The following PUS10 variants were observed in gnomAD, a reference collection of about 807,000 sequenced individuals.
The protein encoded by PUS10 is pseudouridine synthase 10.
A neutral mutation model predicts 75.0 loss-of-function variants in PUS10; 59 were observed. The observed-to-expected ratio is 0.79, with a 90% CI of 0.64 to 0.98. The LOEUF (loss-of-function observed/expected upper bound fraction) is 0.98, where lower values mean the gene tolerates loss of function less well. Ranked by LOEUF, PUS10 falls within the 50% of genes least tolerant of loss-of-function variation. The probability of loss-of-function intolerance (pLI) is 0.00; values close to 1 mark genes in which losing one functional copy is unlikely to be tolerated. For missense variants in PUS10, 650 were observed against 614.4 expected (o/e 1.06, Z -0.61); for synonymous variants, 219 against 211.6 (o/e 1.03, Z -0.30).
chr2:61,011,625 A>G (rs946505815), intron 2 of PUS10, 140 bp downstream of exon 2: 3 of 583,822 alleles, frequency 5.1e-6, no homozygotes, highest in East Asian at 6.8e-5. Flanking sequence ...AAAATTATGA[A>G]TATCACTCAT....
chr2:60,965,153 G>A, intron 7 of PUS10, 50 bp from the exon 8 acceptor site: 1 of 1,533,078 alleles, frequency 6.5e-7, no homozygotes, highest in African/African-American at 1.4e-5. Flanking sequence ...TTATTTTGGG[G>A]TAGATATAAT....
chr2:60,988,561 A>C (rs771130226), intron 4 of PUS10, among the ~76,000 whole-genome samples: 2 of 152,224 alleles, frequency 1.3e-5, no homozygotes, highest in Admixed American at 6.5e-5. Context: ...CAAATGCAAA[A>C]ATTTTATCTT....
intron 4 of PUS10, among the ~76,000 whole-genome samples, chr2:60,972,472 GA>G (rs999106707): frequency 4.1e-5 from 6 of 145,494 alleles, no homozygotes; most frequent in Admixed American, 1.4e-4. Flanking sequence ...ACCGTTTCAA[GA>G]AAAAAAAAAG....
chr2:60,999,451 C>T (rs1678702022), intron 4 of PUS10, among the ~76,000 whole-genome samples: 1 of 151,724 alleles, frequency 6.6e-6, no homozygotes, highest in South Asian at 2.1e-4. Flanking sequence ...CTCATTGCTA[C>T]AAAAAAATAA....
At chr2:61,009,123 A>C in intron 2 of PUS10, 108 bp from the exon 3 acceptor site, 1 of 967,898 alleles carries the variant, frequency 1.0e-6, no homozygotes, top group South Asian at 1.8e-5. Context: ...CATATCACAA[A>C]TTTTACAATG....
chr2:60,971,572 G>A lies in PUS10; in HGVS notation c.469-15C>T, dbSNP rs1676665843. Reference sequence around the variant, plus strand: ...CATGCAGCATGCTGTAGGCAATTTAGTCACACCCAGAAAGAGAAAAGGGGG... The same window carrying A: ...CATGCAGCATGCTGTAGGCAATTTAATCACACCCAGAAAGAGAAAAGGGGG... On this transcript the variant is annotated splice_polypyrimidine_tract_variant and intron_variant, in intron 4 of 17. Coordinates refer to ENST00000316752, the MANE Select transcript of PUS10 (RefSeq NM_144709.4). 13 of 1,612,648 alleles carry A rather than the reference G, an allele frequency of 8.1e-6. No individual in the cohort carries two copies. Among genetic ancestry groups the A allele is most frequent in the Non-Finnish European group, 1.1e-5 (13 of 1,178,810 alleles).
At chr2:61,014,246 C>T (rs1306113092) in intron 1 of PUS10, among the ~76,000 whole-genome samples, 2 of 151,964 alleles carry the variant, frequency 1.3e-5, no homozygotes, top group African/African-American at 4.8e-5. Flanking sequence ...GGTGTGTTGG[C>T]GTGTGCCTAT....
At chr2:60,961,613 G>C (rs1165582760) in intron 9 of PUS10, 65 bp from the exon 10 acceptor site, 8 of 1,356,708 alleles carry the variant, frequency 5.9e-6, no homozygotes, top group Non-Finnish European at 7.4e-6. Flanking sequence ...AAACTTAGAT[G>C]AATCAGCATT....
At position 60,961,481 on chromosome 2, in the gene PUS10, C is replaced by T. The variant is rs775440372; in HGVS notation, c.856G>A (p.Gly286Ser). Residue 286 changes from glycine (G) to serine (S), a missense_variant, in exon 10 of 18, where the codon GGT becomes AGT. Transcript: ENST00000316752. ...ATTTTACCAGCCACAAAAACAGCAC[C>T]ATGAGCACATTCAATTTCAAGAACA... ...CAVLEIECAH[G>S]AVFVAGRYNK... The T allele has an allele frequency of 3.7e-6, 6 of 1,614,002 alleles. No homozygotes were observed. Among genetic ancestry groups the T allele is most frequent in the Non-Finnish European group, 5.1e-6 (6 of 1,179,892 alleles).
chr2:60,960,548 G>A (rs1573408487), intron 10 of PUS10, 31 bp from the exon 11 acceptor site: 4 of 1,543,810 alleles, frequency 2.6e-6, no homozygotes, highest in Non-Finnish European at 3.5e-6. Flanking sequence ...TAGCCTGGAT[G>A]GAATGGAGTA....
At chr2:60,975,381 G>A (rs1187055567) in intron 4 of PUS10, among the ~76,000 whole-genome samples, 2 of 151,956 alleles carry the variant, frequency 1.3e-5, no homozygotes, top group East Asian at 1.9e-4. Context: ...TCTTGACCTC[G>A]TGATCCGCCC....
At chr2:60,949,987 T>G (rs893593089) in intron 15 of PUS10, among the ~76,000 whole-genome samples, 2 of 152,382 alleles carry the variant, frequency 1.3e-5, no homozygotes, top group Middle Eastern at 3.4e-3. Context: ...ATGAGTTTAT[T>G]TTTCCCATGG....
rs1205873892 is a variant in PUS10 at position 61,018,079 on chromosome 2, C to T, written c.-87G>A. ...TAATCAGCAACGTTTTTTTCGGGAG[C>T]TCCTGGGCGTCTCTCTGGGTCTCTG... On this transcript the variant is annotated 5_prime_UTR_variant, in exon 1 of 18. Coordinates refer to ENST00000316752, the MANE Select transcript of PUS10 (RefSeq NM_144709.4). 17 of 1,515,140 alleles carry T rather than the reference C, an allele frequency of 1.1e-5. No homozygotes were observed. Among genetic ancestry groups the T allele is most frequent in the South Asian group, 1.3e-5 (1 of 79,790 alleles). 93.9% of individuals were successfully genotyped at this position (1,515,140 alleles called of 1,614,324 possible).
chr2:60,953,145 C>T (rs1464833312), intron 14 of PUS10, 31 bp from the exon 15 acceptor site: 1 of 1,206,692 alleles, frequency 8.3e-7, no homozygotes. Flanking sequence ...GAAGTTTGTC[C>T]AAATAAACAA....
chr2:60,951,579 G>T (rs547228878), intron 15 of PUS10, among the ~76,000 whole-genome samples: 1 of 152,276 alleles, frequency 6.6e-6, no homozygotes, highest in East Asian at 1.9e-4. Flanking sequence ...GAGGGTTCGT[G>T]CTTTTATAAG....
At chr2:61,000,730 G>A (rs768694124) in intron 4 of PUS10, among the ~76,000 whole-genome samples, 1 of 152,066 alleles carries the variant, frequency 6.6e-6, no homozygotes, top group Admixed American at 6.6e-5. Flanking sequence ...CCAGTCATTT[G>A]TAAAATCTGC....
In PUS10 at chr2:61,009,002, T is replaced by A; in HGVS notation, c.140A>T (p.Glu47Val). ...TTCAGTTTCCAGAAATTTCTGTAGT[T>A]CATTGAGCAACTCCTGGAAAGTTAA... ...YKLPYKELLNELQKFLETEKD... is the reference protein window; with the variant it reads ...YKLPYKELLNVLQKFLETEKD... The change falls in exon 3 of 18, where the codon GAA (glutamate) becomes GTA (valine). Residue 47 changes from glutamate (E) to valine (V), a missense_variant. Physicochemically the swap from Glu to Val is moderately radical, Grantham distance 121. Transcript: ENST00000316752. 1 of 1,612,222 alleles carries A rather than the reference T, an allele frequency of 6.2e-7. No homozygotes were observed. Among genetic ancestry groups the A allele is most frequent in the East Asian group, 2.2e-5 (1 of 44,814 alleles).
At chr2:61,010,855 G>T (rs1417114335) in intron 2 of PUS10, 1 of 1,550,114 alleles carries the variant, frequency 6.5e-7, no homozygotes, top group Non-Finnish European at 8.7e-7. Flanking sequence ...CTTTGGGCAG[G>T]TTGCTTAACC....
intron 15 of PUS10, among the ~76,000 whole-genome samples, chr2:60,952,334 C>CAAAAAAAA (rs78551218): frequency 6.0e-5 from 6 of 100,430 alleles, no homozygotes; most frequent in African/African-American, 8.5e-5. Context: ...GACTCTGTCT[C>CAAAAAAAA]AAAAAAAAAA....
Sources: allele counts gnomAD v4.1 joint callset (sites outside exome capture counted in the v4.1 genomes callset), GRCh38; gene constraint gnomAD v4.1.1; transcripts MANE v1.5; gene names NCBI Gene and HGNC (gene_info 2026-07-23, HGNC 2026-07-21).